Variants in SP6 observed in about 807,000 individuals in gnomAD.
The protein encoded by SP6 is Sp6 transcription factor.
In SP6, 10 loss-of-function variants were observed where a neutral mutation model predicts 23.4. The observed-to-expected ratio is 0.43, with a 90% CI of 0.26 to 0.72. The LOEUF (loss-of-function observed/expected upper bound fraction) is 0.72. Among genes scored for constraint, SP6 ranks in the 30% least tolerant of loss-of-function variants. The pLI is 0.23. For missense variants in SP6, 482 were observed against 523.8 expected (o/e 0.92, Z 0.78); for synonymous variants, 238 against 238.7 (o/e 1.00, Z 0.03).
upstream of SP6, among the ~76,000 whole-genome samples, chr17:47,856,199 G>C (rs2033997818): frequency 6.6e-6 from 1 of 152,198 alleles, no homozygotes; most frequent in Non-Finnish European, 1.5e-5. Flanking sequence ...TGTCAGTGTT[G>C]TTGGCCTCTC....
At chr17:47,857,265 A>C (rs2034004215), upstream of SP6, among the ~76,000 whole-genome samples, 1 of 152,080 alleles carries the variant, frequency 6.6e-6, no homozygotes, top group Admixed American at 6.5e-5. Context: ...CAGAGTGGGG[A>C]GGGGAAACAA....
At chr17:47,851,976 A>AT (rs1328019413), upstream of SP6, among the ~76,000 whole-genome samples, 1 of 150,770 alleles carries the variant, frequency 6.6e-6, no homozygotes, top group Non-Finnish European at 1.5e-5. Context: ...CCACCTCTCA[A>AT]ATTCGCCTCT....
At position 47,847,365 on chromosome 17, in the gene SP6, G is replaced by T. The variant is rs774441761; in HGVS notation, c.1065C>A (p.Gly355=). 28 of 1,607,586 alleles carry T rather than the reference G, an allele frequency of 1.7e-5. No homozygotes were observed. The highest frequency in any genetic ancestry group is 2.4e-5 in the Non-Finnish European group (28 of 1,177,232). The part of the protein sequence containing the change: ...GAASGEGKAG[G]AVEPPGGKGK... ...CTTTGCCCCCGGGGGGCTCCACTGC[G>T]CCGCCGGCCTTGCCCTCTCCCGAGG... Residue 355 remains glycine (G), a synonymous_variant, in exon 2 of 2, where the codon GGC becomes GGA. Transcript: ENST00000536300.
the SP6 span, among the ~76,000 whole-genome samples, chr17:47,868,675 C>T: frequency 6.6e-6 from 1 of 152,210 alleles, no homozygotes; most frequent in Non-Finnish European, 1.5e-5. Flanking sequence ...GCCCTCTGCT[C>T]TCACACACCC....
rs1598058692 is a variant in SP6, at chr17:47,847,805, C to T, written c.625G>A (p.Ala209Thr). 2 of 1,535,362 alleles carry T rather than the reference C, an allele frequency of 1.3e-6. No homozygotes were observed. The highest frequency in any genetic ancestry group is 4.5e-5 in the East Asian group (2 of 44,168). Residue 209 changes from alanine to threonine, a missense_variant, in exon 2 of 2, where the codon GCG becomes ACG. Physicochemically the swap from Ala to Thr is moderately conservative, Grantham distance 58 (BLOSUM62 0). Coordinates refer to ENST00000536300, the MANE Select transcript of SP6 (RefSeq NM_001258248.2). Reference protein sequence around the residue: ...SQGLDSSLDGAARPKGSRRSV... With the variant: ...SQGLDSSLDGTARPKGSRRSV... ...CGCCGGGAGCCTTTGGGACGCGCCG[C>T]CCCGTCCAGGCTGGAATCCAGCCCT...
chr17:47,860,937 G>T, the SP6 span, among the ~76,000 whole-genome samples: 3 of 152,122 alleles, frequency 2.0e-5, no homozygotes, highest in Non-Finnish European at 4.4e-5. Context: ...GCTGGGCACG[G>T]CCACCAACCC....
At chr17:47,859,068 C>A (rs558380009), upstream of SP6, among the ~76,000 whole-genome samples, 2 of 152,088 alleles carry the variant, frequency 1.3e-5, no homozygotes, top group Admixed American at 6.5e-5. Context: ...AGATATGATG[C>A]CTGGCCTAAT....
Position 47,845,599 on chromosome 17 carries a change from G to T in SP6, c.*1700C>A, listed in dbSNP as rs1298868483. On this transcript the variant is annotated 3_prime_UTR_variant, in exon 2 of 2. Coordinates refer to ENST00000536300, the MANE Select transcript of SP6 (RefSeq NM_001258248.2). ...CAGCATCTACAAAGGAGGAAGAGAT[G>T]CTGGGCCCAGATCCCAGGATCTTGG... The T allele has an allele frequency of 1.3e-5, 2 of 152,524 alleles. No individual in the cohort carries two copies. The highest frequency in any genetic ancestry group is 2.9e-5 in the Non-Finnish European group (2 of 68,014). The allele number at this position is 152,524 out of a possible 1,614,324, so 9.4% of individuals were successfully genotyped here. A position where few individuals can be genotyped will look rare whatever the true frequency, so the allele number is the denominator to read the frequency against.
At chr17:47,853,349 T>C (rs541983036), upstream of SP6, among the ~76,000 whole-genome samples, 8 of 152,214 alleles carry the variant, frequency 5.3e-5, no homozygotes, top group East Asian at 1.9e-4. Context: ...TCCTGGCCAG[T>C]TGGGTTTGTA....
chr17:47,864,882 A>G, the SP6 span: 1 of 152,436 alleles, frequency 6.6e-6, no homozygotes, highest in Non-Finnish European at 1.5e-5. Context: ...CAGGCATGGC[A>G]GAGGCTGAAC....
At chr17:47,871,579 C>T in the SP6 span, among the ~76,000 whole-genome samples, 1 of 152,046 alleles carries the variant, frequency 6.6e-6, no homozygotes, top group Non-Finnish European at 1.5e-5. Context: ...AGCATGTGTT[C>T]CTGCCTCTGT....
upstream of SP6, among the ~76,000 whole-genome samples, chr17:47,856,344 C>T (rs1359301765): frequency 1.3e-5 from 2 of 152,158 alleles, no homozygotes; most frequent in South Asian, 4.1e-4. Flanking sequence ...GAAGGGAGGA[C>T]CTTTTCCCTG....
chr17:47,867,269 C>A, the SP6 span, among the ~76,000 whole-genome samples: 1 of 151,978 alleles, frequency 6.6e-6, no homozygotes. Flanking sequence ...CAGAGACAGG[C>A]GGGGTCAGAA....
In SP6 at chr17:47,851,047, T is replaced by C. The variant is rs895369102; in HGVS notation, c.-186A>G. The C allele has an allele frequency of 1.3e-5, 2 of 152,970 alleles. No homozygotes were observed. Among genetic ancestry groups the C allele is most frequent in the Non-Finnish European group, 2.9e-5 (2 of 68,752 alleles). The allele number at this position is 152,970 out of a possible 1,614,324, so 9.5% of individuals were successfully genotyped here. On this transcript the variant is annotated 5_prime_UTR_variant, in exon 1 of 2. Coordinates refer to ENST00000536300, the MANE Select transcript of SP6 (RefSeq NM_001258248.2). ...CCCAGGGCGAGCCAGACCCGGCGGC[T>C]GGCGGCAGGCGGCAGGCGGCGGAGG...
chr17:47,868,940 G>A, the SP6 span, among the ~76,000 whole-genome samples: 10 of 152,346 alleles, frequency 6.6e-5, no homozygotes, highest in Middle Eastern at 0.014. Flanking sequence ...TCAGCAGGGC[G>A]CTCTGGGTGG....
chr17:47,853,607 T>G (rs572349072), upstream of SP6, among the ~76,000 whole-genome samples: 14 of 152,332 alleles, frequency 9.2e-5, no homozygotes, highest in Middle Eastern at 0.014. Flanking sequence ...TGGCCCCTTC[T>G]GCCTTTTCCC....
At chr17:47,866,979 C>T in the SP6 span, among the ~76,000 whole-genome samples, 8 of 152,026 alleles carry the variant, frequency 5.3e-5, no homozygotes, top group African/African-American at 1.5e-4. Flanking sequence ...TCATCGGACA[C>T]GCCACGCTGG....
In SP6 at chr17:47,848,713, C is replaced by T. The variant is rs778385327; in HGVS notation, c.-57-227G>A. ...CTACCTTCCTCTGGGTGATCCCTGC[C>T]GTATGACCCAGCTCATCCCTAGAGT... On this transcript the variant is annotated intron_variant, in intron 1 of 1. Transcript: ENST00000536300. This position sits in a 1 kb window ranked among gnomAD's most constrained non-coding sequence, Gnocchi z 5.3. Among the ~76,000 whole-genome samples, 8 of 152,048 alleles carry T rather than the reference C, an allele frequency of 5.3e-5. No individual in the cohort carries two copies. The highest frequency in any genetic ancestry group is 1.0e-4 in the Non-Finnish European group (7 of 67,990).
At chr17:47,868,954 C>T in the SP6 span, among the ~76,000 whole-genome samples, 2 of 152,202 alleles carry the variant, frequency 1.3e-5, no homozygotes, top group African/African-American at 4.8e-5. Context: ...TGGGTGGCAT[C>T]GGCAGCTTAT....
Sources: allele counts gnomAD v4.1 joint callset (sites outside exome capture counted in the v4.1 genomes callset), GRCh38; gene constraint gnomAD v4.1.1; non-coding constraint Gnocchi (gnomAD v3.1); transcripts MANE v1.5; gene names NCBI Gene and HGNC (gene_info 2026-07-23, HGNC 2026-07-21).